The following LRRTM4 variants were observed in gnomAD, a reference collection of about 807,000 sequenced individuals.
LRRTM4 encodes the protein leucine rich repeat transmembrane neuronal 4.
A neutral mutation model predicts 47.6 loss-of-function variants in LRRTM4; 25 were observed. The ratio of observed to expected loss-of-function variants is 0.53; its 90% CI spans 0.38 to 0.73. The LOEUF is 0.73. LRRTM4 is among the 30% of genes least tolerant of loss of function. LRRTM4 has a pLI of 0.00. For missense variants in LRRTM4, 638 were observed against 713.4 expected, an observed-to-expected ratio of 0.89 and a Z score of 1.20; for synonymous variants, 311 against 269.5, an observed-to-expected ratio of 1.15 and a Z score of -1.51.
intron 3 of LRRTM4, among the ~76,000 whole-genome samples, chr2:76,775,772 T>C (rs541125411): frequency 2.0e-5 from 3 of 152,254 alleles, no homozygotes; most frequent in Non-Finnish European, 2.9e-5. Flanking sequence ...ATTTTTTTAT[T>C]ATACTTTAAG....
chr2:77,013,523 G>T (rs979712833), intron 3 of LRRTM4, among the ~76,000 whole-genome samples: 3 of 149,030 alleles, frequency 2.0e-5, no homozygotes, highest in African/African-American at 7.4e-5. Context: ...AAAAAAAAGT[G>T]AAGTGAGTAG....
At chr2:77,486,240 C>G (rs1343388436) in intron 3 of LRRTM4, among the ~76,000 whole-genome samples, 1 of 152,092 alleles carries the variant, frequency 6.6e-6, no homozygotes, top group Admixed American at 6.6e-5. Context: ...GGCAGTTGTT[C>G]TAATGGAAGC....
At chr2:76,760,223 G>A (rs145381852) in intron 3 of LRRTM4, among the ~76,000 whole-genome samples, 33 of 152,182 alleles carry the variant, frequency 2.2e-4, no homozygotes, top group South Asian at 6.2e-4. Flanking sequence ...ACAGGCCACC[G>A]TTTTCAGTCT....
intron 3 of LRRTM4, among the ~76,000 whole-genome samples, chr2:77,412,744 C>T (rs143152502): frequency 2.6e-5 from 4 of 152,010 alleles, no homozygotes; most frequent in Non-Finnish European, 4.4e-5. Flanking sequence ...ACTTTACCAG[C>T]GAGTGAGAAC....
chr2:76,952,119 AGCTATAGTAG>A (rs374040360), intron 3 of LRRTM4, among the ~76,000 whole-genome samples: 13 of 151,978 alleles, frequency 8.6e-5, no homozygotes, highest in African/African-American at 2.2e-4. Flanking sequence ...AGTAGATATT[AGCTATAGTAG>A]GCTATAGTAG....
rs564690913 is a variant in LRRTM4, at chr2:77,389,891, G to A, written c.1551+128427C>T. ...CTAGGTTATGTGAATCTAATGGAGAGCATTTATGGAAATTGTACCCAGGAA... is the reference window on the plus strand; with the variant it reads ...CTAGGTTATGTGAATCTAATGGAGAACATTTATGGAAATTGTACCCAGGAA... On this transcript the variant is annotated intron_variant, in intron 3 of 3. Coordinates refer to ENST00000409884, the MANE Select transcript of LRRTM4 (RefSeq NM_001134745.3). Among the ~76,000 whole-genome samples, 516 of 152,102 alleles carry A rather than the reference G, an allele frequency of 3.4e-3. 3 individuals are homozygous for A. The highest frequency in any genetic ancestry group is 0.014 in the South Asian group (68 of 4,820).
chr2:76,832,999 A>C (rs1671398240), intron 3 of LRRTM4, among the ~76,000 whole-genome samples: 1 of 152,066 alleles, frequency 6.6e-6, no homozygotes, highest in Non-Finnish European at 1.5e-5. Context: ...CAAAACTGGA[A>C]AGTTAGAAAG....
chr2:76,918,341 T>C (rs1428698231), intron 3 of LRRTM4, among the ~76,000 whole-genome samples: 2 of 152,222 alleles, frequency 1.3e-5, no homozygotes, highest in Non-Finnish European at 2.9e-5. Flanking sequence ...TGAGGTGTAA[T>C]CAAACAATAA....
intron 3 of LRRTM4, among the ~76,000 whole-genome samples, chr2:76,979,575 T>TAG (rs1237842893): frequency 2.9e-4 from 41 of 142,892 alleles, no homozygotes; most frequent in African/African-American, 6.1e-4. Context: ...TATATATATA[T>TAG]AGAGAGAGGA....
At chr2:77,049,112 ATTTCATT>A (rs1439572790) in intron 3 of LRRTM4, among the ~76,000 whole-genome samples, 1 of 111,242 alleles carries the variant, frequency 9.0e-6, no homozygotes, top group African/African-American at 3.8e-5. Flanking sequence ...ACTAAATAAT[ATTTCATT>A]TTTTATATAT....
At chr2:77,479,249 CT>C (rs1677557388) in intron 3 of LRRTM4, among the ~76,000 whole-genome samples, 1 of 151,960 alleles carries the variant, frequency 6.6e-6, no homozygotes, top group Non-Finnish European at 1.5e-5. Context: ...AATTTAGTTT[CT>C]TTCTTGACCT....
intron 3 of LRRTM4, among the ~76,000 whole-genome samples, chr2:77,476,918 A>C (rs1477387844): frequency 1.3e-5 from 2 of 151,972 alleles, no homozygotes; most frequent in Non-Finnish European, 2.9e-5. Context: ...TACTTCTAAG[A>C]ATAGCAAAAG....
chr2:76,802,886 T>C (rs1044201025), intron 3 of LRRTM4, among the ~76,000 whole-genome samples: 1 of 152,148 alleles, frequency 6.6e-6, no homozygotes, highest in Non-Finnish European at 1.5e-5. Context: ...GTTGGGGCTA[T>C]TGGATATTCA....
At chr2:76,933,649 A>T (rs1674847381) in intron 3 of LRRTM4, among the ~76,000 whole-genome samples, 1 of 152,140 alleles carries the variant, frequency 6.6e-6, no homozygotes, top group East Asian at 1.9e-4. Flanking sequence ...CTGGTGTACT[A>T]GCAATTTCCA....
intron 3 of LRRTM4, among the ~76,000 whole-genome samples, chr2:77,091,123 C>T (rs951518763): frequency 2.0e-5 from 3 of 152,068 alleles, no homozygotes; most frequent in African/African-American, 7.2e-5. Flanking sequence ...CTGCCCAGTT[C>T]CCTTATTAGG....
chr2:77,346,895 A>G (rs1226179756), intron 3 of LRRTM4, among the ~76,000 whole-genome samples: 2 of 152,094 alleles, frequency 1.3e-5, no homozygotes, highest in African/African-American at 4.8e-5. Context: ...TTTCTTTAAT[A>G]TGCACTACTC....
chr2:77,235,213 T>A (rs1011037209), intron 3 of LRRTM4, among the ~76,000 whole-genome samples: 1 of 151,966 alleles, frequency 6.6e-6, no homozygotes, highest in Non-Finnish European at 1.5e-5. Context: ...CATCTGTTGG[T>A]TTTTTACTAT....
At position 77,261,296 on chromosome 2, in the gene LRRTM4, T is replaced by C. The variant is rs560175723; in HGVS notation, c.1551+257022A>G. On this transcript the variant is annotated intron_variant, in intron 3 of 3. Coordinates refer to ENST00000409884, the MANE Select transcript of LRRTM4 (RefSeq NM_001134745.3). ...CTATTATTTTCCCTACATTTCCCAG[T>C]CCTCTCACAGCTAGACACGGTCATA... Among the ~76,000 whole-genome samples, 45 of 152,210 alleles carry C rather than the reference T, an allele frequency of 3.0e-4. No homozygotes were observed. The South Asian group carries it at 9.1e-3, about 31-fold the overall frequency.
chr2:77,088,472 A>T (rs1572946630), intron 3 of LRRTM4, among the ~76,000 whole-genome samples: 1 of 150,498 alleles, frequency 6.6e-6, no homozygotes, highest in Non-Finnish European at 1.5e-5. Flanking sequence ...GCACCTTGCG[A>T]CCCCCACTCC....
Sources: gnomAD v4.1 joint callset for allele counts (sites outside exome capture counted in the v4.1 genomes callset) on GRCh38, gnomAD v4.1.1 for gene constraint, MANE v1.5 for transcripts, NCBI Gene and HGNC (gene_info 2026-07-23, HGNC 2026-07-21) for gene names.